MYH11: variants seen among roughly 807,000 people sequenced by gnomAD.
MYH11 encodes the protein myosin heavy chain 11.
A neutral mutation model predicts 246.6 loss-of-function variants in MYH11; 80 were observed. The observed-to-expected ratio is 0.32, with a 90% CI of 0.27 to 0.39. The LOEUF (loss-of-function observed/expected upper bound fraction) is 0.39, where lower values mean the gene tolerates loss of function less well. MYH11 is among the 10% of genes least tolerant of loss of function. The pLI, the probability that MYH11 is intolerant of heterozygous loss-of-function variation, is 1.00. For missense variants in MYH11, 2,158 were observed against 2,546.8 expected, an observed-to-expected ratio of 0.85 and a Z score of 3.29; for synonymous variants, 1,071 against 1,015.5, an observed-to-expected ratio of 1.05 and a Z score of -1.04.
chr16:15,751,911 G>T (rs1231499505), intron 15 of MYH11, among the ~76,000 whole-genome samples: 2 of 152,040 alleles, frequency 1.3e-5, no homozygotes, highest in African/African-American at 4.8e-5. Flanking sequence ...CAGTTCTCCT[G>T]CCTCAGCCTC....
At chr16:15,827,798 T>C (rs1183177931) in intron 2 of MYH11, among the ~76,000 whole-genome samples, 1 of 152,204 alleles carries the variant, frequency 6.6e-6, no homozygotes, top group Admixed American at 6.5e-5. Flanking sequence ...ACGGCGGCAG[T>C]AGGTACTCAG....
At chr16:15,847,265 T>TTCC (rs1555460408) in intron 1 of MYH11, among the ~76,000 whole-genome samples, 1 of 116,208 alleles carries the variant, frequency 8.6e-6, no homozygotes, top group East Asian at 2.3e-4. Context: ...TTTTTTTTTT[T>TTCC]TCTGAGACAG....
chr16:15,797,410 A>G (rs2042766216), intron 4 of MYH11, among the ~76,000 whole-genome samples: 1 of 152,010 alleles, frequency 6.6e-6, no homozygotes, highest in South Asian at 2.1e-4. Context: ...CAACGGTATT[A>G]TCTATAAAGA....
chr16:15,834,539 A>G (rs563247608), intron 2 of MYH11, among the ~76,000 whole-genome samples: 2 of 144,342 alleles, frequency 1.4e-5, no homozygotes, highest in South Asian at 4.2e-4. Context: ...AAAAAAAAAA[A>G]AGAAGAAAGA....
chr16:15,707,933 T>C (rs2039547546), intron 40 of MYH11, among the ~76,000 whole-genome samples: 2 of 142,372 alleles, frequency 1.4e-5, no homozygotes, highest in Non-Finnish European at 3.0e-5. Context: ...GATTGCGCCA[T>C]TGCACTCCAG....
intron 10 of MYH11, among the ~76,000 whole-genome samples, chr16:15,763,426 G>A (rs1241708315): frequency 6.6e-6 from 1 of 152,054 alleles, no homozygotes. Flanking sequence ...GATGACTCTT[G>A]CCTGTAATCC....
At chr16:15,766,041 C>A (rs1379990728) in intron 9 of MYH11, among the ~76,000 whole-genome samples, 1 of 152,120 alleles carries the variant, frequency 6.6e-6, no homozygotes, top group Non-Finnish European at 1.5e-5. Flanking sequence ...CATCCCTGGC[C>A]TCTAACCACT....
chr16:15,744,500 T>A (rs1466383966), intron 20 of MYH11, among the ~76,000 whole-genome samples: 2 of 149,038 alleles, frequency 1.3e-5, no homozygotes, highest in Non-Finnish European at 3.0e-5. Context: ...GCCTTTTTTT[T>A]AAATAAAAAA....
intron 27 of MYH11, among the ~76,000 whole-genome samples, chr16:15,731,332 G>A (rs1017562340): frequency 2.0e-5 from 3 of 152,146 alleles, no homozygotes; most frequent in African/African-American, 7.2e-5. Flanking sequence ...TCATGGCTCT[G>A]TCACTTACCA....
intron 40 of MYH11, among the ~76,000 whole-genome samples, chr16:15,707,537 C>G (rs1034272372): frequency 2.3e-4 from 35 of 152,174 alleles, no homozygotes; most frequent in Admixed American, 2.2e-3. Flanking sequence ...TCTGCTCCCC[C>G]ACAAAACTGG....
At chr16:15,807,887 C>T (rs1051894235) in intron 3 of MYH11, among the ~76,000 whole-genome samples, 3 of 152,226 alleles carry the variant, frequency 2.0e-5, no homozygotes, top group Admixed American at 6.5e-5. Context: ...CCAGCTATTT[C>T]GGCCCAAGCC....
At chr16:15,748,972 A>C (rs915450061) in intron 16 of MYH11, among the ~76,000 whole-genome samples, 9 of 151,708 alleles carry the variant, frequency 5.9e-5, no homozygotes, top group African/African-American at 1.2e-4. Context: ...GCCCTGCTTT[A>C]ACACCCCCAA....
chr16:15,718,175 A>T, intron 37 of MYH11, 140 bp downstream of exon 37: 3 of 1,356,054 alleles, frequency 2.2e-6, no homozygotes, highest in Non-Finnish European at 2.1e-6. Context: ...CTGGATCTCT[A>T]CTCTCAGGCC....
At chr16:15,747,754 G>A (rs376084913) in intron 18 of MYH11, 24 bp from the exon 19 acceptor site, 31 of 1,613,782 alleles carry the variant, frequency 1.9e-5, no homozygotes, top group Non-Finnish European at 2.6e-5. Flanking sequence ...GAAAGGAAGA[G>A]CTCCTGATTT....
rs794728680 is a variant in MYH11 at position 15,720,874 on chromosome 16, G to C, written c.4756C>G (p.Gln1586Glu). 5.3e-5 allele frequency: 85 copies of C among 1,613,784 alleles called. No homozygotes were observed. The highest frequency in any genetic ancestry group is 6.9e-5 in the Non-Finnish European group (82 of 1,180,032). Residue 1586 changes from glutamine to glutamate, a missense_variant, in exon 33 of 41, where the codon CAG becomes GAG. By Grantham distance (29) the Gln-to-Glu change is conservative. Transcript: ENST00000300036. The stretch of plus-strand genomic sequence containing the variant: ...AGTTGCCTCCTCTTCTCCTCATTCT[G>C]CTCGTCCCGGGCTTGGAGATCCCTT... ...FERDLQARDE[Q>E]NEEKRRQLQR...
chr16:15,793,945 CTT>C (rs61625627), intron 4 of MYH11, among the ~76,000 whole-genome samples: 5 of 70,206 alleles, frequency 7.1e-5, no homozygotes, highest in Admixed American at 1.7e-4. Context: ...CTTTTCTTTT[CTT>C]TTTTTTTTTT....
At chr16:15,797,177 A>T (rs948645237) in intron 4 of MYH11, among the ~76,000 whole-genome samples, 1 of 152,248 alleles carries the variant, frequency 6.6e-6, no homozygotes, top group African/African-American at 2.4e-5. Context: ...TTTTCTATCT[A>T]TATCAACCCC....
chr16:15,720,718 G>A, intron 33 of MYH11, 121 bp downstream of exon 33: 3 of 1,117,090 alleles, frequency 2.7e-6, no homozygotes, highest in Admixed American at 3.9e-5. Flanking sequence ...GGGCGACAGA[G>A]CGAGACTCTG....
At chr16:15,828,552 G>T (rs143040805) in intron 2 of MYH11, among the ~76,000 whole-genome samples, 398 of 152,256 alleles carry the variant, frequency 2.6e-3, no homozygotes, top group Admixed American at 4.5e-3. Context: ...CAGCACTTCG[G>T]GTGGCCAAGG....
Sources: allele counts gnomAD v4.1 joint callset (sites outside exome capture counted in the v4.1 genomes callset), GRCh38; gene constraint gnomAD v4.1.1; transcripts MANE v1.5; gene names NCBI Gene and HGNC (gene_info 2026-07-23, HGNC 2026-07-21).